Variants in DMD observed in about 807,000 individuals in gnomAD.
The protein encoded by DMD is mutant dystrophin.
DMD carries 63 observed loss-of-function variants against 330.1 expected under a neutral mutation model. The observed-to-expected ratio is 0.19, with a 90% CI of 0.16 to 0.24. The LOEUF (loss-of-function observed/expected upper bound fraction) is 0.24. Ranked by LOEUF, DMD falls within the 10% of genes least tolerant of loss-of-function variation. DMD has a pLI of 1.00. For missense variants in DMD, 3,344 were observed against 2,684.1 expected (o/e 1.25, Z -5.43); for synonymous variants, 1,223 against 959.8 (o/e 1.27, Z -5.07).
intron 76 of DMD, among the ~76,000 whole-genome samples, chrX:31,145,883 C>T (rs2036630928): frequency 1.8e-5 from 2 of 111,546 alleles, no homozygotes; most frequent in Non-Finnish European, 3.8e-5. Flanking sequence ...GGCTGGTCTT[C>T]AACTCCTAAC....
At chrX:31,174,212 T>C (rs1308277005) in intron 71 of DMD, among the ~76,000 whole-genome samples, 1 of 111,625 alleles carries the variant, frequency 9.0e-6, no homozygotes, top group Non-Finnish European at 1.9e-5. Flanking sequence ...CCCTGGATTA[T>C]ATTGTGAGGT....
chrX:32,610,207 A>G (rs5928048), intron 12 of DMD, among the ~76,000 whole-genome samples: 7,049 of 110,817 alleles, frequency 0.064, 199 homozygotes, highest in African/African-American at 0.081. Flanking sequence ...ACTCCCCAGA[A>G]AGACTCACTC....
At chrX:32,744,664 C>A (rs2069745913) in intron 7 of DMD, among the ~76,000 whole-genome samples, 1 of 111,463 alleles carries the variant, frequency 9.0e-6, no homozygotes, top group Admixed American at 9.6e-5. Context: ...ATCATCCTAG[C>A]ATACTTCACC....
intron 47 of DMD, among the ~76,000 whole-genome samples, chrX:31,885,564 C>T (rs374323895): frequency 7.3e-5 from 7 of 96,546 alleles, no homozygotes; most frequent in East Asian, 6.5e-4. Context: ...GAGCCGAGAT[C>T]GCGCCACTGC....
chrX:31,814,946 T>C (rs1030196687), intron 50 of DMD, among the ~76,000 whole-genome samples: 10 of 112,203 alleles, frequency 8.9e-5, no homozygotes, highest in African/African-American at 2.6e-4. Flanking sequence ...TTCTAAGCTA[T>C]AACATCCTCG....
chrX:32,009,316 C>T (rs755442285), intron 44 of DMD, among the ~76,000 whole-genome samples: 19 of 111,252 alleles, frequency 1.7e-4, no homozygotes, highest in Non-Finnish European at 3.0e-4. Flanking sequence ...TTTGAAGCAC[C>T]CTTCATTACA....
At chrX:31,321,490 G>T (rs896828756) in intron 62 of DMD, among the ~76,000 whole-genome samples, 2 of 97,263 alleles carry the variant, frequency 2.1e-5, no homozygotes, top group East Asian at 3.4e-4. Flanking sequence ...GAGCTAAGAC[G>T]AAAGAATTGC....
At chrX:31,760,540 T>C (rs1030682134) in intron 51 of DMD, among the ~76,000 whole-genome samples, 1 of 112,113 alleles carries the variant, frequency 8.9e-6, no homozygotes, top group African/African-American at 3.2e-5. Flanking sequence ...TCACATGCTG[T>C]ACTGGTTTAT....
chrX:31,884,269 T>A (rs1310971093), intron 47 of DMD, among the ~76,000 whole-genome samples: 1 of 111,421 alleles, frequency 9.0e-6, no homozygotes, highest in Admixed American at 9.5e-5. Flanking sequence ...AAATGAACGG[T>A]TAAAGAAATT....
At position 31,266,159 on chromosome X, in the gene DMD, C is replaced by CAAAAAAAAAAAAAAAA. The variant is rs1174153877; in HGVS notation, c.9225-5159_9225-5144dup. Among the ~76,000 whole-genome samples, 40 of 13,327 alleles carry CAAAAAAAAAAAAAAAA rather than the reference C, an allele frequency of 3.0e-3. 6 individuals carry two copies. The highest frequency in any genetic ancestry group is 6.7e-3 in the African/African-American group (18 of 2,688). The allele number at this position is 13,327 out of a possible 115,157, so 11.6% of individuals were successfully genotyped here. On this transcript the variant is annotated intron_variant, in intron 62 of 78. Transcript: ENST00000357033. Reference sequence around the variant, plus strand: ...TGACTCCACACCCAATCCCGAAGGGCAAAAAAAAAAAAAAAAAAAAAAAAG... The same window carrying CAAAAAAAAAAAAAAAA: ...TGACTCCACACCCAATCCCGAAGGGCAAAAAAAAAAAAAAAAAAAAAAAAAAAAAAAAAAAAAAAAG...
rs192517342 is a variant in DMD at position 33,167,958 on chromosome X, G to A, written c.31+43324C>T. Among the ~76,000 whole-genome samples the A allele has an allele frequency of 2.7e-5, 3 of 111,043 alleles. No homozygotes were observed. The East Asian group carries it at 8.4e-4, about 31-fold the overall frequency. ...TATAAAGTGCTTAGAAAAAATGTCT[G>A]GCACACAGTAAGCACCATTAATGGC... On this transcript the variant is annotated intron_variant, in intron 1 of 78. Coordinates refer to ENST00000357033, the MANE Select transcript of DMD (RefSeq NM_004006.3).
intron 43 of DMD, among the ~76,000 whole-genome samples, chrX:32,220,083 C>A: frequency 9.0e-6 from 1 of 111,559 alleles, no homozygotes; most frequent in Non-Finnish European, 1.9e-5. Context: ...GGGGAACAGG[C>A]CTTCCACTTA....
At chrX:32,404,535 C>T (rs955337142) in intron 30 of DMD, among the ~76,000 whole-genome samples, 2 of 111,270 alleles carry the variant, frequency 1.8e-5, no homozygotes, top group African/African-American at 3.3e-5. Flanking sequence ...TAAGCAACTC[C>T]GCTCTTGCTT....
At chrX:32,617,266 G>T (rs992046056) in intron 11 of DMD, among the ~76,000 whole-genome samples, 15 of 111,272 alleles carry the variant, frequency 1.3e-4, no homozygotes, top group African/African-American at 4.9e-4. Context: ...CTAATAATAT[G>T]GTTCTTTGGA....
chrX:32,209,797 T>C (rs758015296), intron 44 of DMD, among the ~76,000 whole-genome samples: 1 of 112,068 alleles, frequency 8.9e-6, no homozygotes, highest in South Asian at 3.7e-4. Flanking sequence ...TTGTTCTTGC[T>C]TCTTTCCAAT....
At chrX:31,873,868 G>T (rs775970395) in intron 48 of DMD, among the ~76,000 whole-genome samples, 1 of 111,549 alleles carries the variant, frequency 9.0e-6, no homozygotes, top group African/African-American at 3.3e-5. Flanking sequence ...CGTATTCTGG[G>T]TGTCTTGGTA....
intron 37 of DMD, among the ~76,000 whole-genome samples, chrX:32,361,903 G>A (rs1433301541): frequency 9.1e-6 from 1 of 110,036 alleles, no homozygotes; most frequent in Non-Finnish European, 1.9e-5. Flanking sequence ...TTTTATGTTT[G>A]AAAGCATATC....
chrX:33,100,202 G>A (rs2095223279), intron 1 of DMD, among the ~76,000 whole-genome samples: 1 of 111,375 alleles, frequency 9.0e-6, no homozygotes, highest in African/African-American at 3.3e-5. Flanking sequence ...AAAACCATAT[G>A]ACAGAATATT....
At position 32,485,015 on chromosome X, in the gene DMD, C is replaced by G; in HGVS notation, c.2707G>C (p.Gly903Arg). 8.3e-7 allele frequency: 1 copy of G among 1,211,117 alleles called. No homozygotes were observed. Among genetic ancestry groups the G allele is most frequent in the Non-Finnish European group, 1.1e-6 (1 of 894,984 alleles). Residue 903 changes from glycine to arginine, a missense_variant, in exon 21 of 79, where the codon GGA becomes CGA. Transcript: ENST00000357033. Reference protein sequence around the residue: ...QSIALKEKGQGPMFLDADFVA... With the variant: ...QSIALKEKGQRPMFLDADFVA... ...AAGTCTGCATCCAGGAACATGGGTC[C>G]TTGTCCTTTCTCTTTCAGGGCTATG...
Sources: gnomAD v4.1 joint callset for allele counts (sites outside exome capture counted in the v4.1 genomes callset) on GRCh38, gnomAD v4.1.1 for gene constraint, MANE v1.5 for transcripts, NCBI Gene and HGNC (gene_info 2026-07-23, HGNC 2026-07-21) for gene names.